Variants in TENM3 observed in about 807,000 individuals in gnomAD.
The protein encoded by TENM3 is teneurin-3.
Under a neutral mutation model 255.1 loss-of-function variants are expected in TENM3, and 63 were observed. That is an observed-to-expected ratio of 0.25 (90% CI 0.20 to 0.30). The LOEUF (loss-of-function observed/expected upper bound fraction) is 0.30, where lower values mean the gene tolerates loss of function less well. Ranked by LOEUF, TENM3 falls within the 10% of genes least tolerant of loss-of-function variation. TENM3 has a pLI of 1.00. For synonymous variants in TENM3, 1,306 were observed against 1,322.3 expected (o/e 0.99, Z 0.27); for missense variants, 2,929 against 3,461.1 (o/e 0.85, Z 3.86).
chr4:182,377,141 A>G (rs1008030355), intron 3 of TENM3, among the ~76,000 whole-genome samples: 3 of 152,038 alleles, frequency 2.0e-5, no homozygotes, highest in South Asian at 2.1e-4. Flanking sequence ...TACCTCCTCT[A>G]TTTCCCAGAC....
the TENM3 span, among the ~76,000 whole-genome samples, chr4:181,608,456 A>C: frequency 6.6e-6 from 1 of 152,198 alleles, no homozygotes; most frequent in Non-Finnish European, 1.5e-5. Context: ...GGGGAAAAGT[A>C]TCCCCAGGTA....
At chr4:181,684,943 T>TA in the TENM3 span, among the ~76,000 whole-genome samples, 12 of 140,932 alleles carry the variant, frequency 8.5e-5, no homozygotes, top group East Asian at 2.8e-3. Flanking sequence ...TTTTTTTTTT[T>TA]TAAGTAGAAA....
chr4:182,548,785 A>G (rs757854096), intron 3 of TENM3: 2 of 151,776 alleles, frequency 1.3e-5, no homozygotes, highest in Non-Finnish European at 2.9e-5. Flanking sequence ...CACAGCAGTC[A>G]CTTTCAATTG....
the TENM3 span, among the ~76,000 whole-genome samples, chr4:181,861,392 T>A: frequency 0.31 from 46,963 of 152,020 alleles, 8,100 homozygotes; most frequent in South Asian, 0.39. Context: ...TGTATGCCAA[T>A]CAGAAGTCTT....
the TENM3 span, among the ~76,000 whole-genome samples, chr4:181,957,281 G>A: frequency 6.6e-6 from 1 of 152,110 alleles, no homozygotes; most frequent in African/African-American, 2.4e-5. Flanking sequence ...CCATGCTCAT[G>A]GACCACGGCC....
At chr4:181,533,737 A>T in the TENM3 span, among the ~76,000 whole-genome samples, 5 of 128,760 alleles carry the variant, frequency 3.9e-5, no homozygotes, top group Admixed American at 7.6e-5. Context: ...CCTTTAAATT[A>T]AAAAAAAAAA....
intron 3 of TENM3, among the ~76,000 whole-genome samples, chr4:182,362,948 G>A (rs1369177172): frequency 6.6e-6 from 1 of 152,100 alleles, no homozygotes; most frequent in Non-Finnish European, 1.5e-5. Context: ...GTTTGCTATA[G>A]AAAAGTTTTT....
At chr4:181,557,221 CATT>C in the TENM3 span, among the ~76,000 whole-genome samples, 1,430 of 152,246 alleles carry the variant, frequency 9.4e-3, 32 homozygotes, top group African/African-American at 0.033. Context: ...CTCTTTGAAT[CATT>C]ATAATTGTCT....
intron 3 of TENM3, among the ~76,000 whole-genome samples, chr4:182,502,610 C>CT (rs1344894776): frequency 2.6e-5 from 4 of 152,094 alleles, no homozygotes; most frequent in East Asian, 1.9e-4. Context: ...TTCAAGACCT[C>CT]TTTTTTTATT....
At chr4:181,804,262 G>T in the TENM3 span, among the ~76,000 whole-genome samples, 37,071 of 151,804 alleles carry the variant, frequency 0.24, 5,024 homozygotes, top group South Asian at 0.36. Flanking sequence ...GGAATTAATT[G>T]ACAAATAATA....
intron 3 of TENM3, among the ~76,000 whole-genome samples, chr4:182,514,372 A>T (rs946662892): frequency 8.5e-5 from 13 of 152,186 alleles, no homozygotes; most frequent in Non-Finnish European, 8.8e-5. Flanking sequence ...CTGTGAGAAA[A>T]CAGACTAAGA....
At chr4:182,537,142 TC>T (rs1740413875) in intron 3 of TENM3, among the ~76,000 whole-genome samples, 1 of 152,228 alleles carries the variant, frequency 6.6e-6, no homozygotes, top group South Asian at 2.1e-4. Context: ...ATTTCTCTGC[TC>T]TAGAATATCT....
intron 3 of TENM3, among the ~76,000 whole-genome samples, chr4:182,556,712 C>T (rs564325051): frequency 2.0e-5 from 3 of 152,228 alleles, no homozygotes; most frequent in Admixed American, 6.5e-5. Flanking sequence ...AGGGCACCCA[C>T]GTTGCATTAT....
intron 1 of TENM3, among the ~76,000 whole-genome samples, chr4:182,147,758 C>A (rs887866468): frequency 1.3e-5 from 2 of 152,130 alleles, no homozygotes; most frequent in African/African-American, 4.8e-5. Context: ...TAACCAATTA[C>A]ATATTCCTTT....
chr4:182,139,506 C>T (rs965409332), upstream of TENM3, among the ~76,000 whole-genome samples: 6 of 152,174 alleles, frequency 3.9e-5, no homozygotes, highest in African/African-American at 1.4e-4. Context: ...GTATCATAAA[C>T]CTTGCCAGCA....
the TENM3 span, among the ~76,000 whole-genome samples, chr4:181,815,570 G>A: frequency 6.6e-6 from 1 of 151,002 alleles, no homozygotes; most frequent in African/African-American, 2.4e-5. Flanking sequence ...GAAGATATTA[G>A]AAAAATATAG....
At chr4:182,233,024 A>C (rs987278731) in intron 1 of TENM3, among the ~76,000 whole-genome samples, 1 of 152,112 alleles carries the variant, frequency 6.6e-6, no homozygotes, top group Non-Finnish European at 1.5e-5. Context: ...AAACCACAAA[A>C]AGTGAAACTG....
rs77910867 is a variant in TENM3 at position 182,701,809 on chromosome 4, A to G, written c.2222-12278A>G. On this transcript the variant is annotated intron_variant, in intron 12 of 27. Transcript: ENST00000511685. ...CTACTAGAAAGGATTGTCTCAGCCA[A>G]GGGTGGCCTTCCTCCTGTATTTAAG... is the stretch of plus-strand genomic sequence containing the variant. Among the ~76,000 whole-genome samples, 762 of 152,318 alleles carry G rather than the reference A, an allele frequency of 5.0e-3. 7 individuals carry two copies. Among genetic ancestry groups the G allele is most frequent in the African/African-American group, 0.017 (720 of 41,566 alleles).
At chr4:181,649,318 C>T in the TENM3 span, among the ~76,000 whole-genome samples, 1 of 152,194 alleles carries the variant, frequency 6.6e-6, no homozygotes, top group African/African-American at 2.4e-5. Context: ...TTCTCTCTCA[C>T]CCGTCCATCA....
Sources: gnomAD v4.1 joint callset for allele counts (sites outside exome capture counted in the v4.1 genomes callset) on GRCh38, gnomAD v4.1.1 for gene constraint, MANE v1.5 for transcripts, NCBI Gene and HGNC (gene_info 2026-07-23, HGNC 2026-07-21) for gene names.